Variants in HCN1 observed in about 807,000 individuals in gnomAD.
HCN1 encodes potassium/sodium hyperpolarization-activated cyclic nucleotide-gated channel 1.
A neutral mutation model predicts 78.9 loss-of-function variants in HCN1; 13 were observed. That is an observed-to-expected ratio of 0.16 (90% CI 0.11 to 0.26). The LOEUF is 0.26. HCN1 is among the 10% of genes least tolerant of loss of function. The pLI, the probability that HCN1 is intolerant of heterozygous loss-of-function variation, is 1.00. For synonymous variants in HCN1, 552 were observed against 455.5 expected (o/e 1.21, Z -2.70); for missense variants, 810 against 1,154.3 (o/e 0.70, Z 4.32).
intron 7 of HCN1, among the ~76,000 whole-genome samples, chr5:45,264,953 G>A (rs1744827963): frequency 6.6e-6 from 1 of 152,148 alleles, no homozygotes; most frequent in South Asian, 2.1e-4. Context: ...CACTGTGGGA[G>A]GCTGAGATGG....
intron 5 of HCN1, among the ~76,000 whole-genome samples, chr5:45,347,346 C>G (rs1053852057): frequency 6.6e-6 from 1 of 152,096 alleles, no homozygotes; most frequent in Non-Finnish European, 1.5e-5. Context: ...CAAAGGACAT[C>G]CACACCAAAA....
chr5:45,301,922 T>C lies in HCN1; in HGVS notation c.1618+1677A>G, dbSNP rs963095978. The stretch of plus-strand genomic sequence containing the variant: ...AAATTAGGAGAAAATAGTTGCATCA[T>C]ATAAAATATATATCTGGAACATTCC... On this transcript the variant is annotated intron_variant, in intron 6 of 7. Coordinates refer to ENST00000303230, the MANE Select transcript of HCN1 (RefSeq NM_021072.4). 2.6e-5 allele frequency among the ~76,000 whole-genome samples: 4 copies of C among 151,870 alleles called. No homozygotes were observed. The East Asian group carries it at 7.8e-4, about 29-fold the overall frequency.
rs192906289 is a variant in HCN1 at position 45,451,393 on chromosome 5, A to G, written c.1011+10453T>C. On this transcript the variant is annotated intron_variant, in intron 3 of 7. Coordinates refer to ENST00000303230, the MANE Select transcript of HCN1 (RefSeq NM_021072.4). ...GGTGCCCCTCAGGAGAATGATTTCC[A>G]TTAAATGTTACAGATTACTACATTT... Among the ~76,000 whole-genome samples, 48 of 152,226 alleles carry G rather than the reference A, an allele frequency of 3.2e-4. 1 individual carries two copies. The East Asian group carries it at 7.1e-3, about 23-fold the overall frequency.
intron 2 of HCN1, among the ~76,000 whole-genome samples, chr5:45,493,973 T>G (rs1231826132): frequency 3.3e-5 from 5 of 152,318 alleles, no homozygotes; most frequent in South Asian, 2.1e-4. Context: ...GTGTATATGT[T>G]TCACATTTTC....
intron 2 of HCN1, among the ~76,000 whole-genome samples, chr5:45,484,854 T>C (rs921524091): frequency 6.6e-6 from 1 of 152,202 alleles, no homozygotes; most frequent in Non-Finnish European, 1.5e-5. Flanking sequence ...AACTGAGTAC[T>C]GATTTTGTGC....
chr5:45,678,834 T>A (rs1028028975), intron 1 of HCN1, among the ~76,000 whole-genome samples: 9 of 151,996 alleles, frequency 5.9e-5, no homozygotes, highest in African/African-American at 1.9e-4. Flanking sequence ...CCTTAACTCT[T>A]TACTGTCAAA....
intron 4 of HCN1, among the ~76,000 whole-genome samples, chr5:45,386,336 C>T (rs1747908315): frequency 6.6e-6 from 1 of 151,878 alleles, no homozygotes; most frequent in African/African-American, 2.4e-5. Flanking sequence ...CCATCATGTT[C>T]ATCTAATTTA....
intron 6 of HCN1, among the ~76,000 whole-genome samples, chr5:45,289,869 C>G (rs1745336776): frequency 6.6e-6 from 1 of 151,960 alleles, no homozygotes; most frequent in African/African-American, 2.4e-5. Context: ...TGAGGGCCCT[C>G]TTCTAGGTTA....
intron 1 of HCN1, among the ~76,000 whole-genome samples, chr5:45,655,355 G>A (rs1002054192): frequency 2.0e-5 from 3 of 151,922 alleles, no homozygotes; most frequent in Non-Finnish European, 4.4e-5. Flanking sequence ...TTTGAAAAGA[G>A]GAAAACCGAA....
intron 2 of HCN1, among the ~76,000 whole-genome samples, chr5:45,622,084 T>C (rs945522578): frequency 6.6e-6 from 1 of 151,550 alleles, no homozygotes; most frequent in African/African-American, 2.4e-5. Flanking sequence ...TAGCCAGACG[T>C]GGTGGCGGGC....
intron 4 of HCN1, among the ~76,000 whole-genome samples, chr5:45,389,567 G>T (rs1747998861): frequency 6.6e-6 from 1 of 152,138 alleles, no homozygotes; most frequent in South Asian, 2.1e-4. Context: ...TCTGGTAGTA[G>T]GCCTGACACA....
At chr5:45,443,541 A>C (rs1039865266) in intron 3 of HCN1, among the ~76,000 whole-genome samples, 2 of 152,070 alleles carry the variant, frequency 1.3e-5, no homozygotes, top group Non-Finnish European at 2.9e-5. Flanking sequence ...GCGTTAACTC[A>C]TCCATTATCT....
At position 45,452,932 on chromosome 5, in the gene HCN1, G is replaced by C. The variant is rs190997632; in HGVS notation, c.1011+8914C>G. ...TCCCTCCTATTCTTTCTTATATCCCGCATTTATCACATGGCTTTCTTCATG... is the reference window on the plus strand; with the variant it reads ...TCCCTCCTATTCTTTCTTATATCCCCCATTTATCACATGGCTTTCTTCATG... On this transcript the variant is annotated intron_variant, in intron 3 of 7. Transcript: ENST00000303230. Among the ~76,000 whole-genome samples the C allele has an allele frequency of 2.6e-5, 4 of 151,864 alleles. No homozygotes were observed. In the East Asian group the frequency reaches 7.7e-4, roughly 29 times the overall value.
intron 4 of HCN1, among the ~76,000 whole-genome samples, chr5:45,377,259 C>T (rs897818872): frequency 1.3e-5 from 2 of 151,902 alleles, no homozygotes; most frequent in African/African-American, 4.8e-5. Flanking sequence ...GAATTCAATG[C>T]AGATGTAAAA....
chr5:45,433,391 C>A (rs1740501476), intron 3 of HCN1, among the ~76,000 whole-genome samples: 1 of 151,728 alleles, frequency 6.6e-6, no homozygotes. Flanking sequence ...ATTATAATAG[C>A]AATGTCTGCT....
At chr5:45,509,107 G>A (rs957821398) in intron 2 of HCN1, among the ~76,000 whole-genome samples, 4 of 152,060 alleles carry the variant, frequency 2.6e-5, no homozygotes, top group African/African-American at 7.2e-5. Flanking sequence ...CCTTCTTTGA[G>A]CATTACAAAT....
chr5:45,538,198 A>G (rs1232826337), intron 2 of HCN1, among the ~76,000 whole-genome samples: 1 of 152,202 alleles, frequency 6.6e-6, no homozygotes, highest in Non-Finnish European at 1.5e-5. Flanking sequence ...CCTATCATAT[A>G]CAATTTAGAA....
chr5:45,643,078 G>T (rs1201877156), intron 2 of HCN1: 2 of 152,094 alleles, frequency 1.3e-5, no homozygotes, highest in South Asian at 2.1e-4. Context: ...ATATTAAATT[G>T]CATTTTACAA....
At chr5:45,293,508 A>ACAAAACAAAACAAAG in intron 6 of HCN1, among the ~76,000 whole-genome samples, 1 of 151,952 alleles carries the variant, frequency 6.6e-6, no homozygotes, top group East Asian at 1.9e-4. Context: ...ACAAAACAAA[A>ACAAAACAAAACAAAG]CAAAGCAAAA....
Sources: allele counts gnomAD v4.1 joint callset (sites outside exome capture counted in the v4.1 genomes callset), GRCh38; gene constraint gnomAD v4.1.1; transcripts MANE v1.5; gene names NCBI Gene and HGNC (gene_info 2026-07-23, HGNC 2026-07-21).